The following GLT8D1 variants were observed in gnomAD, a reference collection of about 807,000 sequenced individuals.
GLT8D1 encodes glycosyltransferase 8 domain-containing protein 1.
In GLT8D1, 41 loss-of-function variants were observed where a neutral mutation model predicts 46.2. The ratio of observed to expected loss-of-function variants is 0.89; its 90% CI spans 0.69 to 1.15. The LOEUF is 1.15. GLT8D1 is among the 50% of genes most tolerant of loss of function. GLT8D1 has a pLI of 0.00. For synonymous variants in GLT8D1, 150 were observed against 154.2 expected (o/e 0.97, Z 0.20); for missense variants, 408 against 449.3 (o/e 0.91, Z 0.83).
chr3:52,700,564 C>CTTT, intron 1 of GLT8D1, 68 bp from the exon 2 acceptor site: 9 of 535,646 alleles, frequency 1.7e-5, no homozygotes, highest in South Asian at 8.6e-5. Flanking sequence ...TGCCCTAACA[C>CTTT]TTTTTTTTTT....
intron 3 of GLT8D1, among the ~76,000 whole-genome samples, chr3:52,699,876 C>T (rs2097337794): frequency 6.6e-6 from 1 of 152,156 alleles, no homozygotes; most frequent in South Asian, 2.1e-4. Context: ...ACGACTAATT[C>T]AATATACTGT....
intron 8 of GLT8D1, 27 bp from the exon 9 acceptor site, chr3:52,695,329 G>C: frequency 6.3e-7 from 1 of 1,593,052 alleles, no homozygotes. Context: ...ACAAATGTTT[G>C]TTAGTGAAAA....
intron 4 of GLT8D1, 165 bp downstream of exon 4, chr3:52,697,556 C>G (rs986765056): frequency 2.2e-5 from 14 of 624,112 alleles, no homozygotes; most frequent in Admixed American, 1.5e-4. Context: ...TGGGGATATG[C>G]TCATAATACA....
intron 1 of GLT8D1, among the ~76,000 whole-genome samples, chr3:52,704,458 CAAAAAA>C (rs60851820): frequency 1.9e-5 from 1 of 53,584 alleles, no homozygotes; most frequent in African/African-American, 6.7e-5. Context: ...GTCTTCGCCT[CAAAAAA>C]AAAAAAAAAA....
At chr3:52,697,213 A>C (rs1332132297) in intron 4 of GLT8D1, among the ~76,000 whole-genome samples, 1 of 152,226 alleles carries the variant, frequency 6.6e-6, no homozygotes, top group Non-Finnish European at 1.5e-5. Flanking sequence ...TAGACCAACA[A>C]ATTTGGAGTA....
chr3:52,696,474 CA>C, intron 5 of GLT8D1, 67 bp downstream of exon 5: 1 of 1,030,156 alleles, frequency 9.7e-7, no homozygotes, highest in Non-Finnish European at 1.5e-6. Flanking sequence ...GCACTATACC[CA>C]CAGATACCCA....
rs1036470340 is a variant in GLT8D1, at chr3:52,694,604, C to A, written c.*241G>T. 4 of 601,060 alleles carry A rather than the reference C, an allele frequency of 6.7e-6. No individual in the cohort carries two copies. The highest frequency in any genetic ancestry group is 1.2e-5 in the Non-Finnish European group (4 of 338,718). The allele number at this position is 601,060 out of a possible 1,614,324, so 37.2% of individuals were successfully genotyped here. On this transcript the variant is annotated 3_prime_UTR_variant, in exon 10 of 10. Coordinates refer to ENST00000266014, the MANE Select transcript of GLT8D1 (RefSeq NM_018446.4). Reference sequence around the variant, plus strand: ...GAACTAGCCATATCAGTTCTTCTTTCCAGTCATTCAGCATTGTAGTAAGAA... The same window carrying A: ...GAACTAGCCATATCAGTTCTTCTTTACAGTCATTCAGCATTGTAGTAAGAA...
chr3:52,695,512 A>G lies in GLT8D1; in HGVS notation c.721T>C (p.Phe241Leu). Residue 241 changes from phenylalanine (F) to leucine (L), a missense_variant, in exon 8 of 10, where the codon TTT becomes CTT. Coordinates refer to ENST00000266014, the MANE Select transcript of GLT8D1 (RefSeq NM_018446.4). ...TTTGCAACAAAAACTCCAGGATTAAATGAGCAAGTGCTGGCTTTCATGGAA... is the reference window on the plus strand; with the variant it reads ...TTTGCAACAAAAACTCCAGGATTAAGTGAGCAAGTGCTGGCTTTCATGGAA... ...KLSMKASTCS[F>L]NPGVFVANLT... 6.2e-7 allele frequency: 1 copy of G among 1,611,946 alleles called. No homozygotes were observed. The highest frequency in any genetic ancestry group is 8.5e-7 in the Non-Finnish European group (1 of 1,177,940).
chr3:52,694,921 T>TC lies in GLT8D1; in HGVS notation c.1039dup (p.Glu347GlyfsTer52). 8 of 1,611,060 alleles carry TC rather than the reference T, an allele frequency of 5.0e-6. No homozygotes were observed. The highest frequency in any genetic ancestry group is 5.9e-6 in the Non-Finnish European group (7 of 1,177,174). Reference sequence around the variant, plus strand: ...TGTTGGGTCTGGAATATACCATTTTTCCCAAACATCAGTATATGAAGCAGT... The same window carrying TC: ...TGTTGGGTCTGGAATATACCATTTTTCCCCAAACATCAGTATATGAAGCAGT... On this transcript the variant is annotated frameshift_variant, in exon 10 of 10. Coordinates refer to ENST00000266014, the MANE Select transcript of GLT8D1 (RefSeq NM_018446.4). LOFTEE classifies it high-confidence loss of function.
At chr3:52,695,367 C>T in intron 8 of GLT8D1, 54 bp downstream of exon 8, 1 of 1,585,076 alleles carries the variant, frequency 6.3e-7, no homozygotes, top group Non-Finnish European at 8.7e-7. Context: ...TTAGTCAAGA[C>T]TCTAGGAATT....
chr3:52,700,476 T>C lies in GLT8D1; in HGVS notation c.-16A>G. Reference sequence around the variant, plus strand: ...GGAATGACATCTTTTTCTTCTGTCATATAAATATTAGTTTTTAACCCTACA... The same window carrying C: ...GGAATGACATCTTTTTCTTCTGTCACATAAATATTAGTTTTTAACCCTACA... On this transcript the variant is annotated 5_prime_UTR_variant, in exon 2 of 10. It adds an upstream start codon to the 5' untranslated region. Transcript: ENST00000266014. The C allele has an allele frequency of 6.3e-7, 1 of 1,575,116 alleles. No homozygotes were observed. The highest frequency in any genetic ancestry group is 1.1e-5 in the South Asian group (1 of 89,706).
Position 52,695,910 on chromosome 3 carries a change from G to GT in GLT8D1, c.645+17dup, listed in dbSNP as rs2097332910. The GT allele has an allele frequency of 5.0e-6, 7 of 1,393,500 alleles. No homozygotes were observed. The highest frequency in any genetic ancestry group is 7.1e-6 in the Non-Finnish European group (7 of 979,138). 86.3% of individuals were successfully genotyped at this position (1,393,500 alleles called of 1,614,324 possible). A position where few individuals can be genotyped will look rare whatever the true frequency, so the allele number is the denominator to read the frequency against. On this transcript the variant is annotated intron_variant, in intron 7 of 9. Transcript: ENST00000266014. ...TAAACAATATTGTAGGAAGAGGGGT[G>GT]TTTGGTAAGCAATTTACCTGGTTTC...
intron 6 of GLT8D1, 25 bp downstream of exon 6, chr3:52,696,209 G>A (rs1274815517): frequency 6.8e-7 from 1 of 1,461,304 alleles, no homozygotes; most frequent in Admixed American, 1.7e-5. Flanking sequence ...GTGGAGAACA[G>A]CACTCATGGT....
intron 5 of GLT8D1, 35 bp from the exon 6 acceptor site, chr3:52,696,353 G>A (rs748648212): frequency 2.0e-5 from 28 of 1,374,740 alleles, no homozygotes; most frequent in South Asian, 1.4e-4. Context: ...ATAGGATACC[G>A]CACTAGCTGT....
At position 52,697,908 on chromosome 3, in the gene GLT8D1, T is replaced by C. The variant is rs1363798357; in HGVS notation, c.142A>G (p.Ile48Val). The C allele has an allele frequency of 1.2e-6, 2 of 1,612,290 alleles. No homozygotes were observed. The highest frequency in any genetic ancestry group is 1.7e-6 in the Non-Finnish European group (2 of 1,178,408). Reference protein sequence around the residue: ...TDSGIVGPQPIDFVPNALRHA... With the variant: ...TDSGIVGPQPVDFVPNALRHA... ...CGGAGAGCATTTGGGACAAAGTCTA[T>C]AGGTTGAGGCCCTACAATTCCTGAA... The change falls in exon 4 of 10, where the codon ATA (isoleucine) becomes GTA (valine). Residue 48 changes from isoleucine (I) to valine (V), a missense_variant. Transcript: ENST00000266014.
Position 52,700,475 on chromosome 3 carries a change from A to C in GLT8D1, c.-15T>G, listed in dbSNP as rs761143737. On this transcript the variant is annotated 5_prime_UTR_variant, in exon 2 of 10. An upstream start codon of the reference 5' UTR is lost. Transcript: ENST00000266014. ...CGGAATGACATCTTTTTCTTCTGTCATATAAATATTAGTTTTTAACCCTAC... is the reference window on the plus strand; with the variant it reads ...CGGAATGACATCTTTTTCTTCTGTCCTATAAATATTAGTTTTTAACCCTAC... The C allele has an allele frequency of 2.5e-6, 4 of 1,577,552 alleles. No individual in the cohort carries two copies. The highest frequency in any genetic ancestry group is 3.4e-5 in the Admixed American group (2 of 58,804).
chr3:52,697,377 G>A (rs1025717232), intron 4 of GLT8D1: 30 of 324,454 alleles, frequency 9.2e-5, no homozygotes, highest in Non-Finnish European at 6.0e-5. Flanking sequence ...GACCAGAACT[G>A]CTCCGAGCAT....
intron 3 of GLT8D1, among the ~76,000 whole-genome samples, 160 bp downstream of exon 3, chr3:52,700,102 C>T (rs780884200): frequency 1.4e-4 from 21 of 152,208 alleles, no homozygotes; most frequent in Non-Finnish European, 2.4e-4. Context: ...CAGAGGCTCT[C>T]CTAAGGCCTC....
rs930320702 is a variant in GLT8D1 at position 52,695,312 on chromosome 3, A to G, written c.813-10T>C. 2 of 1,600,818 alleles carry G rather than the reference A, an allele frequency of 1.2e-6. No homozygotes were observed. The highest frequency in any genetic ancestry group is 1.3e-5 in the African/African-American group (1 of 74,384). ...GCTATACAGTCCCTCTCTTGGTGGG[A>G]CAGAAAACAAATGTTTGTTAGTGAA... On this transcript the variant is annotated splice_polypyrimidine_tract_variant and intron_variant, in intron 8 of 9. Coordinates refer to ENST00000266014, the MANE Select transcript of GLT8D1 (RefSeq NM_018446.4).
Sources: gnomAD v4.1 joint callset for allele counts (sites outside exome capture counted in the v4.1 genomes callset) on GRCh38, gnomAD v4.1.1 for gene constraint, MANE v1.5 for transcripts, NCBI Gene and HGNC (gene_info 2026-07-23, HGNC 2026-07-21) for gene names.